Variants in NCKAP5 observed in about 807,000 individuals in gnomAD.
The protein encoded by NCKAP5 is NCK associated protein 5.
NCKAP5 carries 92 observed loss-of-function variants against 167.0 expected under a neutral mutation model. The ratio of observed to expected loss-of-function variants is 0.55; its 90% CI spans 0.47 to 0.66. The LOEUF is 0.66. NCKAP5 is among the 30% of genes least tolerant of loss of function. The pLI is 0.00. For missense variants in NCKAP5, 2,378 were observed against 2,315.0 expected (o/e 1.03, Z -0.56); for synonymous variants, 891 against 877.4 (o/e 1.02, Z -0.27).
chr2:132,794,261 TATAGAGAGAGAG>T (rs1178986917), intron 12 of NCKAP5, among the ~76,000 whole-genome samples: 134 of 23,488 alleles, frequency 5.7e-3, no homozygotes, highest in East Asian at 0.045. Context: ...TATATATATA[TATAGAGAGAGAG>T]AGAGAGAGAG....
At chr2:133,660,189 G>A in the NCKAP5 span, among the ~76,000 whole-genome samples, 10 of 151,938 alleles carry the variant, frequency 6.6e-5, no homozygotes, top group African/African-American at 2.4e-4. Context: ...TCCCTCCCTC[G>A]CCTTTTTCCC....
chr2:133,187,032 T>C (rs1465769239), intron 5 of NCKAP5, among the ~76,000 whole-genome samples: 2 of 152,040 alleles, frequency 1.3e-5, no homozygotes, highest in Non-Finnish European at 1.5e-5. Flanking sequence ...CCTAGTTTCC[T>C]ACTGCCATGT....
intron 6 of NCKAP5, among the ~76,000 whole-genome samples, chr2:133,125,264 C>A (rs992522991): frequency 1.3e-5 from 2 of 150,102 alleles, no homozygotes; most frequent in Admixed American, 1.3e-4. Context: ...ACTCAACGTA[C>A]CCCACCCTAA....
At chr2:133,291,128 C>A (rs1375040134) in intron 4 of NCKAP5, among the ~76,000 whole-genome samples, 1 of 152,078 alleles carries the variant, frequency 6.6e-6, no homozygotes, top group African/African-American at 2.4e-5. Context: ...AAAACACATC[C>A]CCAGTTTTTG....
At chr2:132,928,958 C>CCAAAACAAAACAAAA (rs71398578) in intron 8 of NCKAP5, among the ~76,000 whole-genome samples, 61 of 148,702 alleles carry the variant, frequency 4.1e-4, no homozygotes, top group African/African-American at 1.1e-3. Flanking sequence ...CCCTTCTCTA[C>CCAAAACAAAACAAAA]CAAAACAAAA....
chr2:132,795,829 AAAAAAAAAAC>A (rs1684545011), intron 12 of NCKAP5, among the ~76,000 whole-genome samples: 1 of 150,238 alleles, frequency 6.7e-6, no homozygotes, highest in Non-Finnish European at 1.5e-5. Context: ...AGAAAAAAAA[AAAAAAAAAAC>A]AAAAAAAACA....
At chr2:133,334,713 T>C (rs1432238488) in intron 3 of NCKAP5, among the ~76,000 whole-genome samples, 1 of 152,214 alleles carries the variant, frequency 6.6e-6, no homozygotes, top group Admixed American at 6.5e-5. Context: ...TGAAGGAGGC[T>C]GCTGCCCGTT....
rs1399479734 is a variant in NCKAP5, at chr2:133,341,577, T to C, written c.70-38467A>G. On this transcript the variant is annotated intron_variant, in intron 3 of 19. Coordinates refer to ENST00000409261, the MANE Select transcript of NCKAP5 (RefSeq NM_207363.3). ...GTGAGTACCAAAATATGTTCTCTTA[T>C]CAATCTGTTATCTGAGAATGTATCT... is the stretch of plus-strand genomic sequence containing the variant. 2.0e-5 allele frequency among the ~76,000 whole-genome samples: 3 copies of C among 152,244 alleles called. No homozygotes were observed. In the East Asian group the frequency reaches 5.8e-4, roughly 29 times the overall value.
chr2:133,662,090 GT>G, the NCKAP5 span, among the ~76,000 whole-genome samples: 1 of 152,094 alleles, frequency 6.6e-6, no homozygotes, highest in East Asian at 1.9e-4. Flanking sequence ...GTAAATATTT[GT>G]CCTGTCTGCC....
chr2:132,787,356 A>G lies in NCKAP5; in HGVS notation c.1093-1638T>C, dbSNP rs199888354. ...GAGCGAGACTCCGTTTCAAAAAAAA[A>G]AAAAAAAAAGGGCTATATGATTAAT... On this transcript the variant is annotated intron_variant, in intron 13 of 19. Coordinates refer to ENST00000409261, the MANE Select transcript of NCKAP5 (RefSeq NM_207363.3). Among the ~76,000 whole-genome samples the G allele has an allele frequency of 9.6e-3, 1,465 of 152,054 alleles. 49 individuals carry two copies. The East Asian group carries it at 0.097, about 10-fold the overall frequency.
At chr2:133,633,431 A>G in the NCKAP5 span, among the ~76,000 whole-genome samples, 4 of 152,168 alleles carry the variant, frequency 2.6e-5, no homozygotes, top group Admixed American at 6.5e-5. Context: ...TGCTCCCTCA[A>G]CTGCAGGGTA....
intron 3 of NCKAP5, among the ~76,000 whole-genome samples, chr2:133,354,815 C>T (rs1400628583): frequency 6.6e-6 from 1 of 152,016 alleles, no homozygotes; most frequent in African/African-American, 2.4e-5. Flanking sequence ...AATAGAGCGC[C>T]AAATGCACAT....
At chr2:132,946,666 G>A (rs762964425) in intron 8 of NCKAP5, among the ~76,000 whole-genome samples, 46 of 152,168 alleles carry the variant, frequency 3.0e-4, no homozygotes, top group Non-Finnish European at 6.3e-4. Context: ...GGAAGCCGAG[G>A]GGGGTGGATC....
At chr2:133,176,158 G>A (rs2084451165) in intron 5 of NCKAP5, among the ~76,000 whole-genome samples, 1 of 152,162 alleles carries the variant, frequency 6.6e-6, no homozygotes, top group African/African-American at 2.4e-5. Context: ...CTGTGACAAG[G>A]AAGCCCCAAT....
intron 3 of NCKAP5, among the ~76,000 whole-genome samples, chr2:133,495,277 C>T (rs1253566365): frequency 6.6e-6 from 1 of 152,116 alleles, no homozygotes; most frequent in Non-Finnish European, 1.5e-5. Flanking sequence ...ATGTCACAGT[C>T]CATTTCTCAC....
intron 19 of NCKAP5, among the ~76,000 whole-genome samples, chr2:132,694,003 CA>C (rs1687069489): frequency 6.6e-6 from 1 of 152,034 alleles, no homozygotes; most frequent in Admixed American, 6.6e-5. Context: ...TACTTATCAC[CA>C]TTAACAGGAG....
chr2:132,724,870 GT>G lies in NCKAP5; in HGVS notation c.5713+756del, dbSNP rs535981284. 2.0e-3 allele frequency among the ~76,000 whole-genome samples: 309 copies of G among 151,934 alleles called. 2 individuals carry two copies. Among genetic ancestry groups the G allele is most frequent in the African/African-American group, 7.4e-3 (307 of 41,388 alleles). ...GAAATACACATGGCTACTAGATTATGTTTTTTCCCTAAACATATCAAACTTG... is the reference window on the plus strand; with the variant it reads ...GAAATACACATGGCTACTAGATTATGTTTTTCCCTAAACATATCAAACTTG... On this transcript the variant is annotated intron_variant, in intron 19 of 19. Coordinates refer to ENST00000409261, the MANE Select transcript of NCKAP5 (RefSeq NM_207363.3).
At chr2:133,148,194 A>G (rs1369665445) in intron 5 of NCKAP5, among the ~76,000 whole-genome samples, 3 of 152,104 alleles carry the variant, frequency 2.0e-5, no homozygotes, top group Non-Finnish European at 4.4e-5. Context: ...TGCCAGCAAA[A>G]GTCAATGGTT....
In NCKAP5 at chr2:132,721,146, A is replaced by G. The variant is rs192286852; in HGVS notation, c.5713+4481T>C. On this transcript the variant is annotated intron_variant, in intron 19 of 19. Transcript: ENST00000409261. ...AATATGGTGAAACCCCGTCTCTACT[A>G]AAAATACAAAAATTAGCCAGACGTG... Among the ~76,000 whole-genome samples the G allele has an allele frequency of 3.3e-4, 50 of 152,204 alleles. No individual in the cohort carries two copies. The East Asian group carries it at 6.8e-3, about 21-fold the overall frequency.
Sources: gnomAD v4.1 joint callset for allele counts (sites outside exome capture counted in the v4.1 genomes callset) on GRCh38, gnomAD v4.1.1 for gene constraint, MANE v1.5 for transcripts, NCBI Gene and HGNC (gene_info 2026-07-23, HGNC 2026-07-21) for gene names.